Variants in ABHD2 observed in about 807,000 individuals in gnomAD.
ABHD2 encodes the protein abhydrolase domain containing 2, acylglycerol lipase.
ABHD2 carries 20 observed loss-of-function variants against 48.1 expected under a neutral mutation model. The observed-to-expected ratio is 0.42, with a 90% CI of 0.29 to 0.60. The LOEUF (loss-of-function observed/expected upper bound fraction) is 0.60, where lower values mean the gene tolerates loss of function less well. ABHD2 is among the 20% of genes least tolerant of loss of function. The probability of loss-of-function intolerance (pLI) is 0.24; values close to 1 mark genes in which losing one functional copy is unlikely to be tolerated. For synonymous variants in ABHD2, 209 were observed against 214.2 expected (o/e 0.98, Z 0.21); for missense variants, 405 against 550.9 (o/e 0.74, Z 2.65).
chr15:89,129,396 A>G (rs1206249962), intron 3 of ABHD2, among the ~76,000 whole-genome samples: 2 of 152,204 alleles, frequency 1.3e-5, no homozygotes, highest in Non-Finnish European at 2.9e-5. Flanking sequence ...ACCAAAGGCC[A>G]TCTACCTTGG....
intron 3 of ABHD2, among the ~76,000 whole-genome samples, chr15:89,130,167 G>T (rs1008054408): frequency 6.6e-6 from 1 of 152,160 alleles, no homozygotes; most frequent in African/African-American, 2.4e-5. Flanking sequence ...CGTATTAGTC[G>T]AAGTAAACTA....
At chr15:89,162,170 G>A (rs757949559) in intron 5 of ABHD2, among the ~76,000 whole-genome samples, 16 of 152,106 alleles carry the variant, frequency 1.1e-4, no homozygotes, top group Non-Finnish European at 2.1e-4. Flanking sequence ...TGAATCTTGG[G>A]AGAGACACTA....
the ABHD2 span, among the ~76,000 whole-genome samples, chr15:89,075,096 C>T: frequency 6.6e-5 from 10 of 152,136 alleles, no homozygotes; most frequent in South Asian, 1.0e-3. This position sits in a 1 kb window ranked among gnomAD's most constrained non-coding sequence, Gnocchi z 4.1. Context: ...ATTGAACAAG[C>T]GTGTTTTAGT....
At chr15:89,183,636 C>G (rs962883460) in intron 6 of ABHD2, among the ~76,000 whole-genome samples, 1 of 151,554 alleles carries the variant, frequency 6.6e-6, no homozygotes, top group Non-Finnish European at 1.5e-5. Context: ...CCCTGTGAAT[C>G]CCTAGAACCT....
rs777705164 is a variant in ABHD2, at chr15:89,092,103, A to G, written c.-107+3540A>G. Among the ~76,000 whole-genome samples the G allele has an allele frequency of 6.6e-6, 1 of 152,180 alleles. No individual in the cohort carries two copies. Among genetic ancestry groups the G allele is most frequent in the Non-Finnish European group, 1.5e-5 (1 of 68,030 alleles). Reference sequence around the variant, plus strand: ...TGATTTTTGTTGTCTTGTCCAGGGCATCATATTTTTGGATTGAATGTTTTC... The same window carrying G: ...TGATTTTTGTTGTCTTGTCCAGGGCGTCATATTTTTGGATTGAATGTTTTC... On this transcript the variant is annotated intron_variant, in intron 1 of 10. Transcript: ENST00000352732. The surrounding 1 kb of genome is among the most constrained non-coding windows in gnomAD (Gnocchi z 4.4).
rs36013469 is a variant in ABHD2 at position 89,186,723 on chromosome 15, C to CA, written c.815+1214dup. ...AGCACCCGAGACACACCCGTTCGCT[C>CA]AAAAAAATTTGGGGGATTTTTGGTA... On this transcript the variant is annotated intron_variant, in intron 7 of 10. Transcript: ENST00000352732. The surrounding 1 kb of genome is among the most constrained non-coding windows in gnomAD (Gnocchi z 4.3). Among the ~76,000 whole-genome samples the CA allele has an allele frequency of 1.3e-5, 2 of 152,092 alleles. No homozygotes were observed. The highest frequency in any genetic ancestry group is 2.9e-5 in the Non-Finnish European group (2 of 68,010).
rs1393323796 is a variant in ABHD2 at position 89,088,632 on chromosome 15, G to T, written c.-107+69G>T. ...CCCGGACCCGTCGAACCGAATCTCC[G>T]AGCCCCGAGGTCCCCGGCGTAGCTC... On this transcript the variant is annotated intron_variant, in intron 1 of 10. Transcript: ENST00000352732. This position sits in a 1 kb window ranked among gnomAD's most constrained non-coding sequence, Gnocchi z 6.8. 2.0e-5 allele frequency: 3 copies of T among 152,312 alleles called. No homozygotes were observed. Among genetic ancestry groups the T allele is most frequent in the Non-Finnish European group, 2.9e-5 (2 of 68,090 alleles). 9.4% of individuals were successfully genotyped at this position (152,312 alleles called of 1,614,324 possible). A position where few individuals can be genotyped will look rare whatever the true frequency, so the allele number is the denominator to read the frequency against.
chr15:89,078,718 A>G, the ABHD2 span, among the ~76,000 whole-genome samples: 1 of 142,228 alleles, frequency 7.0e-6, no homozygotes, highest in African/African-American at 2.6e-5. Context: ...CACCCTGACA[A>G]TGTAGGCTTT....
In ABHD2 at chr15:89,195,286, G is replaced by C. The variant is rs1438047540; in HGVS notation, c.1141G>C (p.Glu381Gln). ...PLHGGHLGFFEGSVLFPEPLT... is the reference protein window; with the variant it reads ...PLHGGHLGFFQGSVLFPEPLT... ...GCATGGGGGCCACTTGGGCTTCTTT[G>C]AGGGCTCTGTGCTGTTCCCCGAGCC... The change falls in exon 11 of 11, where the codon GAG (glutamate) becomes CAG (glutamine). Residue 381 changes from glutamate to glutamine, a missense_variant. Physicochemically the swap from Glu to Gln is conservative, Grantham distance 29 (BLOSUM62 2). Coordinates refer to ENST00000352732, the MANE Select transcript of ABHD2 (RefSeq NM_152924.5). The surrounding 1 kb of genome is among the most constrained non-coding windows in gnomAD (Gnocchi z 5.1). 1 of 1,614,236 alleles carries C rather than the reference G, an allele frequency of 6.2e-7. No homozygotes were observed. The highest frequency in any genetic ancestry group is 2.2e-5 in the East Asian group (1 of 44,888).
chr15:89,115,421 TGTGTGTGTG>T (rs2049943395), intron 2 of ABHD2, among the ~76,000 whole-genome samples: 1 of 109,538 alleles, frequency 9.1e-6, no homozygotes. Context: ...TGTGTGTGTG[TGTGTGTGTG>T]TTTTGTATAT....
rs142345416 is a variant in ABHD2, at chr15:89,151,086, T to C, written c.195-591T>C. Among the ~76,000 whole-genome samples, 1 of 152,336 alleles carries C rather than the reference T, an allele frequency of 6.6e-6. No homozygotes were observed. Among genetic ancestry groups the C allele is most frequent in the East Asian group, 1.9e-4 (1 of 5,192 alleles). On this transcript the variant is annotated intron_variant, in intron 3 of 10. Coordinates refer to ENST00000352732, the MANE Select transcript of ABHD2 (RefSeq NM_152924.5). The surrounding 1 kb of genome is among the most constrained non-coding windows in gnomAD (Gnocchi z 4.7). ...TTATCCTTAATCAATCCAACAAATATTTACACTGCACTGCCCTTACAGCAT... is the reference window on the plus strand; with the variant it reads ...TTATCCTTAATCAATCCAACAAATACTTACACTGCACTGCCCTTACAGCAT...
chr15:89,139,771 G>A (rs1328612430), intron 3 of ABHD2, among the ~76,000 whole-genome samples: 1 of 152,130 alleles, frequency 6.6e-6, no homozygotes, highest in Non-Finnish European at 1.5e-5. Context: ...TCCCTTGAGT[G>A]TGTGCACTCA....
At chr15:89,044,755 GT>G in the ABHD2 span, among the ~76,000 whole-genome samples, 1 of 151,974 alleles carries the variant, frequency 6.6e-6, no homozygotes, top group Admixed American at 6.6e-5. Context: ...GGGGTTGTTT[GT>G]TTTTTTCTTG....
chr15:89,047,809 T>A, the ABHD2 span, among the ~76,000 whole-genome samples: 1 of 147,634 alleles, frequency 6.8e-6, no homozygotes, highest in East Asian at 1.9e-4. Context: ...GTGAGATGGG[T>A]TTCCTGAATA....
Position 89,201,869 on chromosome 15 carries a change from G to C in ABHD2, c.*6446G>C. 2.7e-6 allele frequency: 2 copies of C among 748,968 alleles called. No individual in the cohort carries two copies. The highest frequency in any genetic ancestry group is 3.7e-4 in the Middle Eastern group (1 of 2,670). The allele number at this position is 748,968 out of a possible 1,614,324, so 46.4% of individuals were successfully genotyped here. On this transcript the variant is annotated 3_prime_UTR_variant, in exon 11 of 11. Transcript: ENST00000352732. ...GGCGGGGGACGATGGCGAGAGGGGA[G>C]GGGGAGCGAGTTCGCATCTCTCCTT...
chr15:89,175,920 A>G lies in ABHD2; in HGVS notation c.647A>G (p.Tyr216Cys). 1 of 1,614,088 alleles carries G rather than the reference A, an allele frequency of 6.2e-7. No individual in the cohort carries two copies. ...CTGGGTGGTAACATTGTGTGCAAAT[A>G]CTTGGGGGAGACTCAGGCAAACCAA... ...FSLGGNIVCKYLGETQANQEK... is the reference protein window; with the variant it reads ...FSLGGNIVCKCLGETQANQEK... Residue 216 changes from tyrosine (Y) to cysteine (C), a missense_variant, in exon 6 of 11, where the codon TAC (tyrosine) becomes TGC (cysteine). Tyr to Cys is a radical substitution (Grantham distance 194). Transcript: ENST00000352732. The surrounding 1 kb of genome is among the most constrained non-coding windows in gnomAD (Gnocchi z 5.7).
rs984116004 is a variant in ABHD2 at position 89,201,300 on chromosome 15, T to C, written c.*5877T>C. On this transcript the variant is annotated 3_prime_UTR_variant, in exon 11 of 11. Transcript: ENST00000352732. ...AGTCTTTTACACTCTTCTGTTAGTT[T>C]CCTTGTTTCAGTATCATGAAGTGAA... is the stretch of plus-strand genomic sequence containing the variant. 1.8e-6 allele frequency: 2 copies of C among 1,142,700 alleles called. No individual in the cohort carries two copies. The highest frequency in any genetic ancestry group is 2.6e-6 in the Non-Finnish European group (2 of 768,108). The allele number at this position is 1,142,700 out of a possible 1,614,324, so 70.8% of individuals were successfully genotyped here. A position where few individuals can be genotyped will look rare whatever the true frequency, so the allele number is the denominator to read the frequency against.
At chr15:89,109,207 C>T (rs1415470281) in intron 1 of ABHD2, among the ~76,000 whole-genome samples, 2 of 152,188 alleles carry the variant, frequency 1.3e-5, no homozygotes, top group East Asian at 1.9e-4. Flanking sequence ...CAGGCCTTCA[C>T]CTCTGGTGGA....
In ABHD2 at chr15:89,146,847, T is replaced by C. The variant is rs537439904; in HGVS notation, c.195-4830T>C. ...GGGACACATCAGTATTGTAAAGGTG[T>C]CAATTATCTCCTAGGTAATATATAT... On this transcript the variant is annotated intron_variant, in intron 3 of 10. Transcript: ENST00000352732. This position sits in a 1 kb window ranked among gnomAD's most constrained non-coding sequence, Gnocchi z 4.2. Among the ~76,000 whole-genome samples, 9 of 152,226 alleles carry C rather than the reference T, an allele frequency of 5.9e-5. No homozygotes were observed. The highest frequency in any genetic ancestry group is 3.9e-4 in the Admixed American group (6 of 15,282).
Sources: gnomAD v4.1 joint callset for allele counts (sites outside exome capture counted in the v4.1 genomes callset) on GRCh38, gnomAD v4.1.1 for gene constraint, Gnocchi (gnomAD v3.1) non-coding constraint, MANE v1.5 for transcripts, NCBI Gene and HGNC (gene_info 2026-07-23, HGNC 2026-07-21) for gene names.